Variants in RUFY3 observed in about 807,000 individuals in gnomAD.
RUFY3 encodes the protein RUN and FYVE domain containing 3, also known as protein RUFY3.
RUFY3 carries 34 observed loss-of-function variants against 84.0 expected under a neutral mutation model. That is an observed-to-expected ratio of 0.40 (90% CI 0.31 to 0.54). RUFY3 has a LOEUF of 0.54. Among genes scored for constraint, RUFY3 ranks in the 20% least tolerant of loss-of-function variants. The pLI, the probability that RUFY3 is intolerant of heterozygous loss-of-function variation, is 0.39. For missense variants in RUFY3, 507 were observed against 736.8 expected, an observed-to-expected ratio of 0.69 and a Z score of 3.61; for synonymous variants, 242 against 252.9, an observed-to-expected ratio of 0.96 and a Z score of 0.41.
chr4:70,753,556 T>C (rs1723480399), intron 1 of RUFY3, among the ~76,000 whole-genome samples: 1 of 152,174 alleles, frequency 6.6e-6, no homozygotes, highest in African/African-American at 2.4e-5. Flanking sequence ...TACAGATTGC[T>C]TGGGGATCTA....
At chr4:70,795,446 G>C (rs1731384356) in intron 14 of RUFY3, among the ~76,000 whole-genome samples, 1 of 152,106 alleles carries the variant, frequency 6.6e-6, no homozygotes, top group African/African-American at 2.4e-5. Flanking sequence ...AATAATCTTA[G>C]AAGGAGACCC....
upstream of RUFY3, among the ~76,000 whole-genome samples, chr4:70,719,739 GGAATT>G (rs1411579485): frequency 6.6e-6 from 1 of 152,176 alleles, no homozygotes; most frequent in Non-Finnish European, 1.5e-5. Flanking sequence ...TGGCTAGAAA[GGAATT>G]GAACTGAATT....
At chr4:70,799,161 A>G (rs1229453060) in intron 14 of RUFY3, among the ~76,000 whole-genome samples, 1 of 150,762 alleles carries the variant, frequency 6.6e-6, no homozygotes. Context: ...AAAAAAAAAA[A>G]GAGAAAAGAA....
intron 12 of RUFY3, chr4:70,791,110 TA>T: frequency 1.2e-6 from 1 of 813,026 alleles, no homozygotes; most frequent in South Asian, 1.6e-5. Context: ...AGAAAGAGAA[TA>T]ATGACTTATC....
At chr4:70,776,517 A>T (rs76257462) in intron 7 of RUFY3, among the ~76,000 whole-genome samples, 1 of 152,134 alleles carries the variant, frequency 6.6e-6, no homozygotes, top group African/African-American at 2.4e-5. Flanking sequence ...GCTCACGCCT[A>T]TAATCCCAGC....
intron 14 of RUFY3, chr4:70,799,884 A>G (rs1295920699): frequency 2.6e-6 from 1 of 391,868 alleles, no homozygotes; most frequent in Non-Finnish European, 4.5e-6. Context: ...AAGTAAGTAG[A>G]ATACATTCTG....
chr4:70,714,232 G>T (rs983051657), intron 1 of RUFY3, among the ~76,000 whole-genome samples: 11 of 152,114 alleles, frequency 7.2e-5, no homozygotes, highest in Non-Finnish European at 1.3e-4. Context: ...TCCTAGATTA[G>T]AGGCACGTCT....
chr4:70,787,260 G>GTTT (rs1268063842), intron 10 of RUFY3, among the ~76,000 whole-genome samples: 1 of 108,494 alleles, frequency 9.2e-6, no homozygotes, highest in Non-Finnish European at 1.9e-5. Flanking sequence ...TTATTTATTT[G>GTTT]TTTTTTTTTT....
At chr4:70,794,549 C>G in intron 13 of RUFY3, 1 of 434,628 alleles carries the variant, frequency 2.3e-6, no homozygotes, top group Non-Finnish European at 4.0e-6. Flanking sequence ...CCACTGCACT[C>G]CAGCCTGGCA....
intron 1 of RUFY3, among the ~76,000 whole-genome samples, chr4:70,749,913 C>A (rs1292466976): frequency 6.6e-6 from 1 of 152,060 alleles, no homozygotes; most frequent in Non-Finnish European, 1.5e-5. Context: ...GCCTCAGCCT[C>A]CCAAAGTGCT....
intron 5 of RUFY3, among the ~76,000 whole-genome samples, chr4:70,772,828 T>G (rs1428921495): frequency 2.0e-5 from 3 of 152,082 alleles, no homozygotes; most frequent in African/African-American, 7.2e-5. Context: ...ACCCAGCTAA[T>G]TTTTGTATTT....
intron 4 of RUFY3, among the ~76,000 whole-genome samples, chr4:70,766,985 G>A (rs887834316): frequency 6.6e-6 from 1 of 152,088 alleles, no homozygotes; most frequent in African/African-American, 2.4e-5. Context: ...TCCTTTTCCA[G>A]AATGTCATGT....
chr4:70,741,331 G>C (rs1418617489), intron 1 of RUFY3, among the ~76,000 whole-genome samples: 1 of 152,094 alleles, frequency 6.6e-6, no homozygotes, highest in Non-Finnish European at 1.5e-5. Flanking sequence ...ATTTTCAATA[G>C]AAAAATAAAT....
intron 1 of RUFY3, among the ~76,000 whole-genome samples, chr4:70,761,600 G>C (rs1413592882): frequency 6.6e-6 from 1 of 152,190 alleles, no homozygotes; most frequent in Non-Finnish European, 1.5e-5. Context: ...GATCATAATT[G>C]TAAGAGGTAG....
upstream of RUFY3, among the ~76,000 whole-genome samples, chr4:70,719,782 G>C (rs933016188): frequency 6.6e-6 from 1 of 152,178 alleles, no homozygotes; most frequent in Non-Finnish European, 1.5e-5. Context: ...ATGAAGGCTT[G>C]TGTTCAGTAT....
At chr4:70,755,175 G>A (rs1225202511) in intron 1 of RUFY3, among the ~76,000 whole-genome samples, 1 of 152,058 alleles carries the variant, frequency 6.6e-6, no homozygotes, top group East Asian at 1.9e-4. Flanking sequence ...AGCCACCAGC[G>A]TGAGCCACTG....
chr4:70,784,222 G>A lies in RUFY3; in HGVS notation c.988-574G>A, dbSNP rs11735944. Among the ~76,000 whole-genome samples the A allele has an allele frequency of 5.3e-3, 801 of 152,314 alleles. 9 individuals are homozygous for A. The highest frequency in any genetic ancestry group is 0.018 in the African/African-American group (744 of 41,566). On this transcript the variant is annotated intron_variant, in intron 9 of 17. Coordinates refer to ENST00000381006, the MANE Select transcript of RUFY3 (RefSeq NM_001037442.4). Reference sequence around the variant, plus strand: ...CCCTGGGCTGGGTGCAGTGGCTCACGCCTGTAATCCCAGCACTTTGGGAGG... The same window carrying A: ...CCCTGGGCTGGGTGCAGTGGCTCACACCTGTAATCCCAGCACTTTGGGAGG...
chr4:70,778,528 C>T, intron 8 of RUFY3, 90 bp downstream of exon 8: 2 of 593,194 alleles, frequency 3.4e-6, no homozygotes, highest in Non-Finnish European at 6.1e-6. Context: ...AAAGAAAGAA[C>T]TTGACTTTTC....
At chr4:70,765,758 CTT>C (rs371482787) in intron 4 of RUFY3, among the ~76,000 whole-genome samples, 19 of 139,788 alleles carry the variant, frequency 1.4e-4, no homozygotes, top group South Asian at 2.3e-4. Flanking sequence ...TTGTTAATAT[CTT>C]TTTTTTTTTT....
Sources: gnomAD v4.1 joint callset for allele counts (sites outside exome capture counted in the v4.1 genomes callset) on GRCh38, gnomAD v4.1.1 for gene constraint, MANE v1.5 for transcripts, NCBI Gene and HGNC (gene_info 2026-07-23, HGNC 2026-07-21) for gene names.